Variants in GSS observed in about 807,000 individuals in gnomAD.
GSS encodes glutathione synthetase.
In GSS, 34 loss-of-function variants were observed where a neutral mutation model predicts 60.4. The ratio of observed to expected loss-of-function variants is 0.56; its 90% CI spans 0.43 to 0.75. The LOEUF (loss-of-function observed/expected upper bound fraction) is 0.75. Ranked by LOEUF, GSS falls within the 30% of genes least tolerant of loss-of-function variation. GSS has a pLI of 0.00. For missense variants in GSS, 499 were observed against 595.1 expected (o/e 0.84, Z 1.68); for synonymous variants, 224 against 239.0 (o/e 0.94, Z 0.58).
intron 2 of GSS, among the ~76,000 whole-genome samples, chr20:34,951,076 T>C (rs2147136169): frequency 6.6e-6 from 1 of 152,276 alleles, no homozygotes; most frequent in Non-Finnish European, 1.5e-5. Context: ...ATGCTATTTA[T>C]GGTCATAAAA....
At chr20:34,954,319 C>A (rs565618000) in intron 1 of GSS, 34 of 152,430 alleles carry the variant, frequency 2.2e-4, no homozygotes, top group African/African-American at 8.2e-4. Flanking sequence ...CTTTGTGAGG[C>A]CGAGGCAGGC....
chr20:34,930,242 G>A (rs1287991061), intron 11 of GSS, among the ~76,000 whole-genome samples: 2 of 149,514 alleles, frequency 1.3e-5, no homozygotes, highest in African/African-American at 5.0e-5. Context: ...CTCCAGCCTG[G>A]TGACAGAGCG....
chr20:34,928,810 C>T lies in GSS; in HGVS notation c.*18G>A, dbSNP rs769193929. On this transcript the variant is annotated 3_prime_UTR_variant, in exon 13 of 13. Coordinates refer to ENST00000651619, the MANE Select transcript of GSS (RefSeq NM_000178.4). The stretch of plus-strand genomic sequence containing the variant: ...GACAAATACAGAGGATAGAAGGTCC[C>T]GTGGCCTGGTTGTGCCCTCACACAG... 6.2e-6 allele frequency: 10 copies of T among 1,613,948 alleles called. No homozygotes were observed. The African/African-American group carries it at 6.7e-5, about 11-fold the overall frequency.
At chr20:34,941,957 T>G in intron 5 of GSS, 128 bp from the exon 6 acceptor site, 1 of 738,638 alleles carries the variant, frequency 1.4e-6, no homozygotes, top group Non-Finnish European at 2.5e-6. Context: ...TCCCATCACA[T>G]TCCTGTAAGA....
intron 6 of GSS, among the ~76,000 whole-genome samples, chr20:34,938,003 G>A (rs868823494): frequency 6.6e-6 from 1 of 152,134 alleles, no homozygotes; most frequent in East Asian, 1.9e-4. Flanking sequence ...GATTTCAGGT[G>A]TGCACCACCC....
chr20:34,952,326 T>G (rs1322501118), intron 1 of GSS: 1 of 203,210 alleles, frequency 4.9e-6, no homozygotes, highest in Admixed American at 5.2e-5. Context: ...ATAGATCAGT[T>G]TCCAAACCTG....
chr20:34,944,237 G>C (rs943615914), intron 3 of GSS, among the ~76,000 whole-genome samples: 1 of 152,158 alleles, frequency 6.6e-6, no homozygotes, highest in African/African-American at 2.4e-5. Context: ...TAGGAACTAG[G>C]GTTTATATGT....
intron 8 of GSS, 39 bp downstream of exon 8, chr20:34,936,724 C>G: frequency 7.0e-7 from 1 of 1,424,296 alleles, no homozygotes; most frequent in Non-Finnish European, 9.9e-7. Context: ...GGATGAGTTT[C>G]ATAAACCAGC....
intron 9 of GSS, chr20:34,933,658 TTCA>T (rs2081419359): frequency 6.6e-6 from 1 of 152,478 alleles, no homozygotes; most frequent in Admixed American, 6.5e-5. Context: ...TGACCTGATC[TTCA>T]TCAATAACCC....
chr20:34,929,330 C>G, intron 12 of GSS, 71 bp downstream of exon 12: 2 of 1,288,208 alleles, frequency 1.6e-6, no homozygotes, highest in Non-Finnish European at 2.3e-6. Context: ...CAGTGTTCCC[C>G]TCTAGGCTGG....
Position 34,931,476 on chromosome 20 carries a change from A to G in GSS, c.1030-59T>C, listed in dbSNP as rs1240108428. ...TAAAGGCTAAAGAGGCAAGAAGCTT[A>G]GGTCCAGCTGGTTATGCAGAGCAGC... On this transcript the variant is annotated intron_variant, in intron 10 of 12. Transcript: ENST00000651619. The G allele has an allele frequency of 2.9e-6, 4 of 1,361,688 alleles. No individual in the cohort carries two copies. In the African/African-American group the frequency reaches 5.7e-5, roughly 19 times the overall value. The allele number at this position is 1,361,688 out of a possible 1,614,324, so 84.4% of individuals were successfully genotyped here.
At chr20:34,942,658 T>G (rs1300523815) in intron 4 of GSS, 31 bp from the exon 5 acceptor site, 1 of 1,612,286 alleles carries the variant, frequency 6.2e-7, no homozygotes, top group East Asian at 2.2e-5. Context: ...TGACAGTACC[T>G]GCCCAGGGAC....
chr20:34,942,343 C>T, intron 5 of GSS, 145 bp downstream of exon 5: 2 of 708,742 alleles, frequency 2.8e-6, no homozygotes, highest in Non-Finnish European at 4.8e-6. Context: ...CAAGTGGAAA[C>T]TGCTGTCGGG....
At chr20:34,953,751 G>T (rs1384203326) in intron 1 of GSS, among the ~76,000 whole-genome samples, 1 of 151,860 alleles carries the variant, frequency 6.6e-6, no homozygotes, top group Non-Finnish European at 1.5e-5. Context: ...GAGTAGCTGG[G>T]ACTACAGGCA....
chr20:34,948,238 A>C (rs944059042), intron 2 of GSS, among the ~76,000 whole-genome samples: 4 of 152,136 alleles, frequency 2.6e-5, no homozygotes, highest in Admixed American at 2.6e-4. Context: ...GTGACCTAAT[A>C]CCCTGAGTAG....
chr20:34,931,596 C>T (rs1195199426), intron 10 of GSS, 179 bp from the exon 11 acceptor site: 6 of 685,112 alleles, frequency 8.8e-6, no homozygotes, highest in Admixed American at 2.1e-5. Flanking sequence ...CTGCAGCAGC[C>T]GATGCAATGA....
chr20:34,931,926 G>A lies in GSS; in HGVS notation c.1029+13C>T, dbSNP rs763632397. ...AGGAGGCCTGTGGTAGGAGAAACAG[G>A]CTGCCCACGTACCACATCCAGTGAG... On this transcript the variant is annotated intron_variant, in intron 10 of 12. Coordinates refer to ENST00000651619, the MANE Select transcript of GSS (RefSeq NM_000178.4). 1.2e-6 allele frequency: 2 copies of A among 1,612,182 alleles called. No homozygotes were observed. Among genetic ancestry groups the A allele is most frequent in the Admixed American group, 1.7e-5 (1 of 60,026 alleles).
chr20:34,941,981 G>T, intron 5 of GSS, 152 bp from the exon 6 acceptor site: 1 of 703,570 alleles, frequency 1.4e-6, no homozygotes, highest in Non-Finnish European at 2.6e-6. Context: ...ACTTCAGGTT[G>T]GAATATGCTG....
chr20:34,943,048 C>A, intron 3 of GSS, 42 bp from the exon 4 acceptor site: 1 of 1,391,354 alleles, frequency 7.2e-7, no homozygotes. Flanking sequence ...CTTAATTGGA[C>A]CTAAAATTTC....
Sources: allele counts gnomAD v4.1 joint callset (sites outside exome capture counted in the v4.1 genomes callset), GRCh38; gene constraint gnomAD v4.1.1; transcripts MANE v1.5; gene names NCBI Gene and HGNC (gene_info 2026-07-23, HGNC 2026-07-21).